The following TAFA5 variants were observed in gnomAD, a reference collection of about 807,000 sequenced individuals.
The protein encoded by TAFA5 is chemokine-like protein TAFA-5.
TAFA5 carries 6 observed loss-of-function variants against 15.3 expected under a neutral mutation model. That is an observed-to-expected ratio of 0.39 (90% CI 0.21 to 0.77). TAFA5 has a LOEUF of 0.77. TAFA5 is among the 30% of genes least tolerant of loss of function. The probability of loss-of-function intolerance (pLI) is 0.41; values close to 1 mark genes in which losing one functional copy is unlikely to be tolerated. For missense variants in TAFA5, 161 were observed against 193.1 expected, an observed-to-expected ratio of 0.83 and a Z score of 0.98; for synonymous variants, 103 against 80.7, an observed-to-expected ratio of 1.28 and a Z score of -1.48.
At chr22:48,684,423 T>A (rs1361198511) in intron 2 of TAFA5, among the ~76,000 whole-genome samples, 1 of 152,162 alleles carries the variant, frequency 6.6e-6, no homozygotes, top group Non-Finnish European at 1.5e-5. Context: ...TCCCAGCAGC[T>A]GTCCCATAAA....
At chr22:48,634,261 C>CT (rs764599173) in intron 1 of TAFA5, among the ~76,000 whole-genome samples, 6 of 152,122 alleles carry the variant, frequency 3.9e-5, no homozygotes, top group Non-Finnish European at 7.4e-5. Flanking sequence ...ATCATTTACT[C>CT]ATTCACTCAT....
At chr22:48,555,943 G>C (rs529142921) in intron 1 of TAFA5, among the ~76,000 whole-genome samples, 1 of 152,182 alleles carries the variant, frequency 6.6e-6, no homozygotes, top group Admixed American at 6.5e-5. Flanking sequence ...CTGCTCCCCT[G>C]CCCCAGCCAG....
At chr22:48,575,816 T>G (rs1923757945) in intron 1 of TAFA5, among the ~76,000 whole-genome samples, 1 of 138,624 alleles carries the variant, frequency 7.2e-6, no homozygotes, top group East Asian at 2.3e-4. Flanking sequence ...GCGGCGGCGA[T>G]GGTGCGGCAG....
intron 1 of TAFA5, among the ~76,000 whole-genome samples, chr22:48,569,290 G>C (rs562148646): frequency 1.3e-5 from 2 of 152,318 alleles, no homozygotes; most frequent in South Asian, 4.2e-4. Context: ...GGTGGGTGCA[G>C]TCATGGAAGT....
intron 2 of TAFA5, among the ~76,000 whole-genome samples, chr22:48,670,874 G>A (rs1255148807): frequency 6.6e-6 from 1 of 152,180 alleles, no homozygotes; most frequent in Non-Finnish European, 1.5e-5. Context: ...AATAAATAAG[G>A]CAGGGAAACA....
intron 3 of TAFA5, among the ~76,000 whole-genome samples, chr22:48,735,494 C>A (rs563794203): frequency 2.6e-5 from 4 of 152,306 alleles, no homozygotes; most frequent in Admixed American, 2.6e-4. Flanking sequence ...GCGACCAAAA[C>A]ACCCACACAG....
At chr22:48,680,545 G>A (rs2337488) in intron 2 of TAFA5, among the ~76,000 whole-genome samples, 15,226 of 152,168 alleles carry the variant, frequency 0.1, 916 homozygotes, top group Non-Finnish European at 0.14. Flanking sequence ...CACAAACACA[G>A]AGGATGGGGA....
chr22:48,620,058 TC>T (rs879523518), intron 1 of TAFA5, among the ~76,000 whole-genome samples: 5 of 152,270 alleles, frequency 3.3e-5, no homozygotes, highest in Admixed American at 3.3e-4. Flanking sequence ...TGAGCCTGAG[TC>T]CAGGGTGGAG....
intron 1 of TAFA5, among the ~76,000 whole-genome samples, chr22:48,548,362 C>G (rs1455029631): frequency 6.6e-6 from 1 of 152,218 alleles, no homozygotes; most frequent in Non-Finnish European, 1.5e-5. Flanking sequence ...GTGGAGATGA[C>G]TCGTCCTGCC....
intron 2 of TAFA5, among the ~76,000 whole-genome samples, chr22:48,680,903 G>C (rs968983787): frequency 4.6e-5 from 7 of 152,202 alleles, no homozygotes; most frequent in African/African-American, 1.7e-4. Context: ...CGGGTGGCAA[G>C]AACTGGGGAG....
intron 1 of TAFA5, among the ~76,000 whole-genome samples, chr22:48,588,596 G>A (rs1924444886): frequency 1.3e-5 from 2 of 152,162 alleles, no homozygotes; most frequent in South Asian, 4.1e-4. Flanking sequence ...GTGGCTGCTG[G>A]GTATCGGGGC....
chr22:48,520,895 G>C (rs183657146), intron 1 of TAFA5, among the ~76,000 whole-genome samples: 1 of 152,190 alleles, frequency 6.6e-6, no homozygotes. Flanking sequence ...GGCCAGGGGG[G>C]GTCGCAGGGT....
At chr22:48,542,523 A>ATGTGTGG (rs551399777) in intron 1 of TAFA5, among the ~76,000 whole-genome samples, 1 of 66,214 alleles carries the variant, frequency 1.5e-5, no homozygotes, top group Non-Finnish European at 2.8e-5. Context: ...GTGTGTGTGC[A>ATGTGTGG]TGTGTGGTGT....
At position 48,532,513 on chromosome 22, in the gene TAFA5, T is replaced by C. The variant is rs115776544; in HGVS notation, c.112+42809T>C. On this transcript the variant is annotated intron_variant, in intron 1 of 3. Coordinates refer to ENST00000402357, the MANE Select transcript of TAFA5 (RefSeq NM_001082967.3). Reference sequence around the variant, plus strand: ...TATTTTGGTCTCAGGTTTTAAAATATTGGGATCAGTCAACGATTACGCACT... The same window carrying C: ...TATTTTGGTCTCAGGTTTTAAAATACTGGGATCAGTCAACGATTACGCACT... Among the ~76,000 whole-genome samples, 738 of 152,334 alleles carry C rather than the reference T, an allele frequency of 4.8e-3. 9 individuals carry two copies. The highest frequency in any genetic ancestry group is 0.017 in the African/African-American group (717 of 41,574).
intron 1 of TAFA5, among the ~76,000 whole-genome samples, chr22:48,508,362 C>T (rs1034977447): frequency 1.3e-5 from 2 of 152,204 alleles, no homozygotes; most frequent in Non-Finnish European, 2.9e-5. Context: ...ATGTGGCTAC[C>T]CCAGGTCACA....
chr22:48,574,577 G>A (rs944709571), intron 1 of TAFA5, among the ~76,000 whole-genome samples: 1 of 152,188 alleles, frequency 6.6e-6, no homozygotes, highest in Non-Finnish European at 1.5e-5. Flanking sequence ...GTGCAAGGAG[G>A]AGACAGCCTT....
At position 48,598,399 on chromosome 22, in the gene TAFA5, C is replaced by A. The variant is rs1924846214; in HGVS notation, c.113-48198C>A. ...TCACTTGGAGGTTATTTCCAGGGGG[C>A]AGTGGTGAGGGGCTGGCGCTGTGAT... On this transcript the variant is annotated intron_variant, in intron 1 of 3. Coordinates refer to ENST00000402357, the MANE Select transcript of TAFA5 (RefSeq NM_001082967.3). The surrounding 1 kb of genome is among the most constrained non-coding windows in gnomAD (Gnocchi z 4.0). Among the ~76,000 whole-genome samples the A allele has an allele frequency of 6.6e-6, 1 of 152,158 alleles. No individual in the cohort carries two copies. Among genetic ancestry groups the A allele is most frequent in the Non-Finnish European group, 1.5e-5 (1 of 68,036 alleles).
At chr22:48,614,127 C>G (rs1000095629) in intron 1 of TAFA5, among the ~76,000 whole-genome samples, 2 of 152,332 alleles carry the variant, frequency 1.3e-5, no homozygotes. Context: ...CTACATCACC[C>G]CTGTCTGCTG....
At chr22:48,728,728 A>G (rs985602796) in intron 3 of TAFA5, among the ~76,000 whole-genome samples, 3 of 152,228 alleles carry the variant, frequency 2.0e-5, no homozygotes, top group Non-Finnish European at 4.4e-5. Flanking sequence ...CGGGAGGAAA[A>G]GCCACCCTTC....
Sources: allele counts gnomAD v4.1 joint callset (sites outside exome capture counted in the v4.1 genomes callset), GRCh38; gene constraint gnomAD v4.1.1; non-coding constraint Gnocchi (gnomAD v3.1); transcripts MANE v1.5; gene names NCBI Gene and HGNC (gene_info 2026-07-23, HGNC 2026-07-21).